FXYD5: variants seen among roughly 807,000 people sequenced by gnomAD.
FXYD5 encodes FXYD domain-containing ion transport regulator 5.
A neutral mutation model predicts 25.7 loss-of-function variants in FXYD5; 21 were observed. The ratio of observed to expected loss-of-function variants is 0.82; its 90% CI spans 0.58 to 1.18. FXYD5 has a LOEUF of 1.18. FXYD5 is among the 50% of genes most tolerant of loss of function. The pLI is 0.00. For synonymous variants in FXYD5, 101 were observed against 90.7 expected, an observed-to-expected ratio of 1.11 and a Z score of -0.64; for missense variants, 229 against 227.7, an observed-to-expected ratio of 1.01 and a Z score of -0.04.
Position 35,161,386 on chromosome 19 carries a change from T to C in FXYD5, c.292+585T>C, listed in dbSNP as rs540777930. ...CTGTTGTCTTCATTCTCTACTAACT[T>C]CTCCCCTCTTGATGGCAGAGATGGT... On this transcript the variant is annotated intron_variant, in intron 5 of 8. Transcript: ENST00000392219. Among the ~76,000 whole-genome samples the C allele has an allele frequency of 2.0e-5, 3 of 152,232 alleles. No individual in the cohort carries two copies. In the South Asian group the frequency reaches 6.2e-4, roughly 32 times the overall value.
At chr19:35,164,038 A>C (rs1167057405) in intron 5 of FXYD5, 118 bp from the exon 6 acceptor site, 19 of 1,560,992 alleles carry the variant, frequency 1.2e-5, no homozygotes, top group Non-Finnish European at 1.6e-5. Context: ...CTGACCCTGC[A>C]CACCAGCTGT....
At chr19:35,165,435 C>T (rs113673493) in intron 6 of FXYD5, among the ~76,000 whole-genome samples, 1 of 152,106 alleles carries the variant, frequency 6.6e-6, no homozygotes, top group African/African-American at 2.4e-5. Flanking sequence ...GGTAGGAGTG[C>T]CTTTTAGCAT....
chr19:35,158,284 C>A, intron 3 of FXYD5, 60 bp from the exon 4 acceptor site: 1 of 1,071,642 alleles, frequency 9.3e-7, no homozygotes, highest in Non-Finnish European at 1.5e-6. Context: ...ACCCATAGAC[C>A]TTGCCCACTT....
At chr19:35,162,362 G>C (rs1248426074) in intron 5 of FXYD5, among the ~76,000 whole-genome samples, 2 of 152,178 alleles carry the variant, frequency 1.3e-5, no homozygotes, top group Non-Finnish European at 2.9e-5. Flanking sequence ...GTTTTAATCT[G>C]CTCAGGTTAC....
At position 35,164,170 on chromosome 19, in the gene FXYD5, G is replaced by A; in HGVS notation, c.307G>A (p.Asp103Asn). 6.2e-7 allele frequency: 1 copy of A among 1,613,024 alleles called. No homozygotes were observed. Among genetic ancestry groups the A allele is most frequent in the South Asian group, 1.1e-5 (1 of 91,018 alleles). The change falls in exon 6 of 9, where the codon GAC (aspartate) becomes AAC (asparagine). Residue 103 changes from aspartate to asparagine, a missense_variant. Transcript: ENST00000392219. ...CACTCTCTCAGCTCATCCCACTGAT[G>A]ACACCACGACGCTCTCTGAGAGACC... ...KSTKAAHPTD[D>N]TTTLSERPSP... is the part of the protein sequence containing the mutation.
At chr19:35,165,282 T>C (rs1020380347) in intron 6 of FXYD5, among the ~76,000 whole-genome samples, 1 of 152,342 alleles carries the variant, frequency 6.6e-6, no homozygotes, top group Non-Finnish European at 1.5e-5. Context: ...GTTTCTTCGT[T>C]ATATGCTAAA....
intron 5 of FXYD5, among the ~76,000 whole-genome samples, chr19:35,163,354 T>G (rs1353641364): frequency 6.6e-6 from 1 of 151,062 alleles, no homozygotes; most frequent in Non-Finnish European, 1.5e-5. Flanking sequence ...TCCGATGTGG[T>G]GTGGGGGCAC....
chr19:35,160,598 G>A (rs898778045), intron 4 of FXYD5, 111 bp from the exon 5 acceptor site: 55 of 726,950 alleles, frequency 7.6e-5, no homozygotes, highest in African/African-American at 1.9e-4. Flanking sequence ...TGCCCGCCTC[G>A]GCCTCCCAAA....
intron 5 of FXYD5, among the ~76,000 whole-genome samples, chr19:35,163,674 G>A (rs1474760386): frequency 3.3e-5 from 5 of 151,976 alleles, no homozygotes; most frequent in East Asian, 1.9e-4. Flanking sequence ...TAGAGGCGGG[G>A]TTTCACCATG....
At chr19:35,163,052 G>A (rs2065419320) in intron 5 of FXYD5, among the ~76,000 whole-genome samples, 2 of 152,220 alleles carry the variant, frequency 1.3e-5, no homozygotes. Context: ...GGCCCAGAGA[G>A]GTTACTCAGC....
At chr19:35,160,602 T>C (rs1206601841) in intron 4 of FXYD5, 107 bp from the exon 5 acceptor site, 3 of 754,774 alleles carry the variant, frequency 4.0e-6, no homozygotes, top group Middle Eastern at 2.5e-4. Context: ...CGCCTCGGCC[T>C]CCCAAAGTGC....
At chr19:35,155,284 G>T in intron 1 of FXYD5, 1 of 547,778 alleles carries the variant, frequency 1.8e-6, no homozygotes, top group South Asian at 2.2e-5. Flanking sequence ...AGTGCCCGCC[G>T]GCCCTTGCAG....
chr19:35,161,066 G>A (rs2065400360), intron 5 of FXYD5, among the ~76,000 whole-genome samples: 1 of 152,150 alleles, frequency 6.6e-6, no homozygotes, highest in Non-Finnish European at 1.5e-5. Context: ...AGTATGCAGT[G>A]TTTCCCTAAC....
chr19:35,166,974 A>G (rs1230100304), intron 8 of FXYD5, among the ~76,000 whole-genome samples: 2 of 152,240 alleles, frequency 1.3e-5, no homozygotes, highest in Admixed American at 1.3e-4. Flanking sequence ...AGGCTGTGTC[A>G]GGAGGAGATA....
chr19:35,157,685 T>C, intron 3 of FXYD5, 184 bp downstream of exon 3: 1 of 476,044 alleles, frequency 2.1e-6, no homozygotes, highest in Non-Finnish European at 3.8e-6. Context: ...TCTCCACCTC[T>C]TGGTTCTGTT....
At chr19:35,162,640 T>C (rs769750186) in intron 5 of FXYD5, among the ~76,000 whole-genome samples, 54 of 152,232 alleles carry the variant, frequency 3.5e-4, no homozygotes, top group Non-Finnish European at 6.5e-4. Flanking sequence ...TGATCCTATC[T>C]AACCCTAATT....
intron 3 of FXYD5, 55 bp downstream of exon 3, chr19:35,157,556 C>A: frequency 1.1e-6 from 1 of 901,300 alleles, no homozygotes; most frequent in Non-Finnish European, 1.9e-6. Flanking sequence ...ACAACAGCAA[C>A]AAAAATCCCA....
intron 4 of FXYD5, 70 bp from the exon 5 acceptor site, chr19:35,160,639 C>T: frequency 9.3e-7 from 1 of 1,071,192 alleles, no homozygotes. Context: ...AGCCACCGCG[C>T]CCGGCCCCAA....
chr19:35,167,626 A>G (rs1041050823), intron 8 of FXYD5, among the ~76,000 whole-genome samples: 15 of 152,254 alleles, frequency 9.9e-5, no homozygotes, highest in Admixed American at 7.2e-4. Flanking sequence ...GTTAATCTGT[A>G]TAACCAATGC....
Sources: gnomAD v4.1 joint callset for allele counts (sites outside exome capture counted in the v4.1 genomes callset) on GRCh38, gnomAD v4.1.1 for gene constraint, MANE v1.5 for transcripts, NCBI Gene and HGNC (gene_info 2026-07-23, HGNC 2026-07-21) for gene names.